The following ZNF423 variants were observed in gnomAD, a reference collection of about 807,000 sequenced individuals.
The protein encoded by ZNF423 is Ebf-associated zinc finger protein.
A neutral mutation model predicts 95.8 loss-of-function variants in ZNF423; 12 were observed. That is an observed-to-expected ratio of 0.13 (90% CI 0.08 to 0.20). ZNF423 has a LOEUF of 0.20. Ranked by LOEUF, ZNF423 falls within the 10% of genes least tolerant of loss-of-function variation. The pLI is 1.00. For missense variants in ZNF423, 1,316 were observed against 1,737.1 expected (o/e 0.76, Z 4.31); for synonymous variants, 749 against 711.9 (o/e 1.05, Z -0.83).
chr16:49,526,171 C>T (rs1250759318), intron 5 of ZNF423, among the ~76,000 whole-genome samples: 1 of 152,140 alleles, frequency 6.6e-6, no homozygotes, highest in Non-Finnish European at 1.5e-5. Context: ...AGAGAGGCCA[C>T]AGGGATGCAC....
Position 49,635,988 on chromosome 16 carries a change from G to T in ZNF423, c.3188C>A (p.Pro1063His), listed in dbSNP as rs762599061. 9 of 1,601,714 alleles carry T rather than the reference G, an allele frequency of 5.6e-6. No individual in the cohort carries two copies. Among genetic ancestry groups the T allele is most frequent in the Non-Finnish European group, 7.7e-6 (9 of 1,172,336 alleles). The change falls in exon 4 of 8, where the codon CCC becomes CAC. Residue 1063 changes from proline (P) to histidine (H), a missense_variant. Coordinates refer to ENST00000563137, the MANE Select transcript of ZNF423 (RefSeq NM_001379286.1). The surrounding 1 kb of genome is among the most constrained non-coding windows in gnomAD (Gnocchi z 4.8). ...KLAGSSAASS[P>H]NGQGLQKLYK... ...GAGCTTCTGCAGCCCCTGGCCATTG[G>T]GGGAGGACGCCGCTGAGCTGCCCGC...
chr16:49,790,501 G>T (rs367735005), intron 1 of ZNF423, among the ~76,000 whole-genome samples: 6 of 152,360 alleles, frequency 3.9e-5, no homozygotes, highest in African/African-American at 1.2e-4. Context: ...ACCCAGGGTT[G>T]TCTGTCTCCA....
intron 4 of ZNF423, among the ~76,000 whole-genome samples, chr16:49,631,221 G>A (rs1972482826): frequency 6.6e-6 from 1 of 152,040 alleles, no homozygotes; most frequent in Non-Finnish European, 1.5e-5. Flanking sequence ...TGCAGCTTCT[G>A]ACACAAGTAT....
intron 3 of ZNF423, among the ~76,000 whole-genome samples, chr16:49,656,642 G>A (rs950625398): frequency 2.0e-5 from 3 of 152,228 alleles, no homozygotes; most frequent in East Asian, 1.9e-4. Flanking sequence ...ACCAACTGGC[G>A]ACACTGAAGA....
At chr16:49,811,564 C>T (rs965789558) in intron 1 of ZNF423, among the ~76,000 whole-genome samples, 6 of 152,106 alleles carry the variant, frequency 3.9e-5, no homozygotes, top group African/African-American at 1.4e-4. Flanking sequence ...TCTAGCAGTC[C>T]AAATACAGTC....
chr16:49,651,576 T>C (rs896756712), intron 3 of ZNF423, among the ~76,000 whole-genome samples: 1 of 152,192 alleles, frequency 6.6e-6, no homozygotes, highest in Non-Finnish European at 1.5e-5. Context: ...TGTGTGACCT[T>C]AGCCAAGTGA....
chr16:49,704,206 A>T (rs965103986), intron 3 of ZNF423, among the ~76,000 whole-genome samples: 2 of 152,172 alleles, frequency 1.3e-5, no homozygotes, highest in Middle Eastern at 3.4e-3. Context: ...GGGCATAAAG[A>T]ACTGAAAAGG....
rs1228775864 is a variant in ZNF423 at position 49,532,705 on chromosome 16, G to A, written c.3602-7211C>T. 2.6e-5 allele frequency among the ~76,000 whole-genome samples: 4 copies of A among 152,316 alleles called. 1 individual carries two copies. The highest frequency in any genetic ancestry group is 1.3e-4 in the Admixed American group (2 of 15,306). ...GCCTGAGGTCAGTTGCCATGGCAAC[G>A]GAGAATGAGCTCAACCTTGTAACTG... On this transcript the variant is annotated intron_variant, in intron 5 of 7. Coordinates refer to ENST00000563137, the MANE Select transcript of ZNF423 (RefSeq NM_001379286.1).
chr16:49,740,777 T>G (rs1166361776), intron 2 of ZNF423, among the ~76,000 whole-genome samples: 2 of 152,174 alleles, frequency 1.3e-5, no homozygotes, highest in Non-Finnish European at 2.9e-5. Flanking sequence ...GAGGGACTGA[T>G]ACAGGACAAC....
rs1169196929 is a variant in ZNF423, at chr16:49,855,789, G to A, written c.-15C>T. The A allele has an allele frequency of 6.6e-6, 1 of 150,750 alleles. No homozygotes were observed. Among genetic ancestry groups the A allele is most frequent in the Non-Finnish European group, 1.5e-5 (1 of 67,812 alleles). The allele number at this position is 150,750 out of a possible 1,614,324, so 9.3% of individuals were successfully genotyped here. A position where few individuals can be genotyped will look rare whatever the true frequency, so the allele number is the denominator to read the frequency against. On this transcript the variant is annotated 5_prime_UTR_variant, in exon 1 of 8. Transcript: ENST00000563137. The surrounding 1 kb of genome is among the most constrained non-coding windows in gnomAD (Gnocchi z 4.7). ...CGCCTGGACATGTCCGGGGCTCCGGGCGCTCCGTCGCCCTCCGCAGCCGGC... is the reference window on the plus strand; with the variant it reads ...CGCCTGGACATGTCCGGGGCTCCGGACGCTCCGTCGCCCTCCGCAGCCGGC...
chr16:49,663,006 C>G (rs892018726), intron 3 of ZNF423, among the ~76,000 whole-genome samples: 1 of 152,178 alleles, frequency 6.6e-6, no homozygotes, highest in South Asian at 2.1e-4. Context: ...CTCAACCTCT[C>G]TGGTCTTGGT....
chr16:49,732,748 A>G (rs1399518729), intron 2 of ZNF423, among the ~76,000 whole-genome samples: 1 of 152,266 alleles, frequency 6.6e-6, no homozygotes, highest in African/African-American at 2.4e-5. Flanking sequence ...AGATAATGTT[A>G]TAAGGGCTCT....
chr16:49,759,240 A>G (rs992328955), intron 2 of ZNF423, among the ~76,000 whole-genome samples: 2 of 152,120 alleles, frequency 1.3e-5, no homozygotes, highest in African/African-American at 4.8e-5. Flanking sequence ...TCTACTAAAA[A>G]TACAAAAAAT....
At chr16:49,646,086 T>C (rs1016519872) in intron 3 of ZNF423, among the ~76,000 whole-genome samples, 3 of 152,158 alleles carry the variant, frequency 2.0e-5, no homozygotes, top group Non-Finnish European at 2.9e-5. Flanking sequence ...TCCAGCCAGA[T>C]AGGTCAGCTG....
chr16:49,786,666 A>C (rs1314712420), intron 2 of ZNF423, among the ~76,000 whole-genome samples: 1 of 152,216 alleles, frequency 6.6e-6, no homozygotes, highest in Non-Finnish European at 1.5e-5. Context: ...AGTGGTGCAG[A>C]GGTGAAACCA....
intron 1 of ZNF423, among the ~76,000 whole-genome samples, chr16:49,848,728 C>T (rs1305676413): frequency 1.3e-5 from 2 of 152,216 alleles, no homozygotes; most frequent in African/African-American, 2.4e-5. Flanking sequence ...AAATTGCTGG[C>T]GAATACAGGC....
At chr16:49,578,117 G>A (rs1329338089) in intron 5 of ZNF423, among the ~76,000 whole-genome samples, 1 of 152,132 alleles carries the variant, frequency 6.6e-6, no homozygotes, top group Non-Finnish European at 1.5e-5. Context: ...ATTGTCCAAG[G>A]CTTTTGAAGC....
intron 1 of ZNF423, among the ~76,000 whole-genome samples, chr16:49,814,842 G>A (rs886939696): frequency 6.6e-6 from 1 of 152,136 alleles, no homozygotes; most frequent in Non-Finnish European, 1.5e-5. Flanking sequence ...AGGAGGAGGT[G>A]GCATCCCCCA....
chr16:49,624,204 A>G lies in ZNF423; in HGVS notation c.3601+1966T>C, dbSNP rs181241324. On this transcript the variant is annotated intron_variant, in intron 5 of 7. Coordinates refer to ENST00000563137, the MANE Select transcript of ZNF423 (RefSeq NM_001379286.1). ...ATTATATATAAACGCAAAATATAAT[A>G]TCTATATATTCCTATAATCACAATA... Among the ~76,000 whole-genome samples, 504 of 152,214 alleles carry G rather than the reference A, an allele frequency of 3.3e-3. 3 individuals carry two copies. Among genetic ancestry groups the G allele is most frequent in the Middle Eastern group, 0.021 (6 of 292 alleles).
Sources: gnomAD v4.1 joint callset for allele counts (sites outside exome capture counted in the v4.1 genomes callset) on GRCh38, gnomAD v4.1.1 for gene constraint, Gnocchi (gnomAD v3.1) non-coding constraint, MANE v1.5 for transcripts, NCBI Gene and HGNC (gene_info 2026-07-23, HGNC 2026-07-21) for gene names.